Variants in NCKAP5 observed in about 807,000 individuals in gnomAD.
NCKAP5 encodes NCK associated protein 5, also known as nck-associated protein 5.
NCKAP5 carries 92 observed loss-of-function variants against 167.0 expected under a neutral mutation model. The ratio of observed to expected loss-of-function variants is 0.55; its 90% CI spans 0.47 to 0.66. The LOEUF (loss-of-function observed/expected upper bound fraction) is 0.66. NCKAP5 is among the 30% of genes least tolerant of loss of function. The pLI is 0.00. For synonymous variants in NCKAP5, 891 were observed against 877.4 expected (o/e 1.02, Z -0.27); for missense variants, 2,378 against 2,315.0 (o/e 1.03, Z -0.56).
the NCKAP5 span, among the ~76,000 whole-genome samples, chr2:133,587,323 G>A: frequency 6.6e-6 from 1 of 152,098 alleles, no homozygotes. Flanking sequence ...GAAGTGCTCA[G>A]AACAATGCCT....
chr2:133,216,802 C>T (rs1311067967), intron 4 of NCKAP5, among the ~76,000 whole-genome samples: 1 of 151,950 alleles, frequency 6.6e-6, no homozygotes, highest in Non-Finnish European at 1.5e-5. Context: ...GAAGGTAGAT[C>T]TAGAAGAAGG....
intron 6 of NCKAP5, among the ~76,000 whole-genome samples, chr2:133,033,346 C>A (rs1206928541): frequency 6.6e-6 from 1 of 152,172 alleles, no homozygotes; most frequent in African/African-American, 2.4e-5. Flanking sequence ...GATCACAACA[C>A]CGAAGTCCTT....
chr2:133,462,077 A>G (rs1010928348), intron 3 of NCKAP5, among the ~76,000 whole-genome samples: 3 of 152,240 alleles, frequency 2.0e-5, no homozygotes, highest in Admixed American at 2.0e-4. Flanking sequence ...ATTATTTCAC[A>G]TAGGGAATGT....
chr2:132,800,931 G>A (rs1419115906), intron 11 of NCKAP5, among the ~76,000 whole-genome samples: 4 of 152,092 alleles, frequency 2.6e-5, no homozygotes, highest in Admixed American at 6.5e-5. Flanking sequence ...ACGAAACCTC[G>A]GGAACCTTGG....
intron 5 of NCKAP5, among the ~76,000 whole-genome samples, chr2:133,206,919 C>G (rs574202815): frequency 6.6e-6 from 1 of 152,224 alleles, no homozygotes; most frequent in East Asian, 1.9e-4. Context: ...CTGCAGTACG[C>G]TCACACTTAC....
At chr2:132,918,425 GAAATT>G (rs1169315212) in intron 8 of NCKAP5, among the ~76,000 whole-genome samples, 3 of 152,128 alleles carry the variant, frequency 2.0e-5, no homozygotes, top group African/African-American at 7.2e-5. Flanking sequence ...TGCTAGAAAA[GAAATT>G]AAAAGACATA....
At chr2:133,071,476 T>G (rs1455869015) in intron 6 of NCKAP5, among the ~76,000 whole-genome samples, 2 of 151,896 alleles carry the variant, frequency 1.3e-5, no homozygotes, top group Non-Finnish European at 2.9e-5. Context: ...CAAAAAAAAA[T>G]CACAGTGGCC....
chr2:132,976,336 G>A (rs1203494112), intron 7 of NCKAP5, among the ~76,000 whole-genome samples: 9 of 152,028 alleles, frequency 5.9e-5, no homozygotes, highest in Admixed American at 1.3e-4. Flanking sequence ...AGGCCAAGGC[G>A]GGTGGATCAT....
At chr2:132,937,054 T>A (rs1195618441) in intron 8 of NCKAP5, among the ~76,000 whole-genome samples, 1 of 152,180 alleles carries the variant, frequency 6.6e-6, no homozygotes, top group Non-Finnish European at 1.5e-5. Context: ...GAGGGTAACT[T>A]GAGATCAACT....
chr2:132,721,296 A>G (rs890294496), intron 19 of NCKAP5, among the ~76,000 whole-genome samples: 4 of 152,170 alleles, frequency 2.6e-5, no homozygotes, highest in African/African-American at 9.7e-5. Context: ...TGACAGAACA[A>G]GACTCCGTCT....
chr2:133,208,533 C>T (rs559140020), intron 5 of NCKAP5, among the ~76,000 whole-genome samples: 7 of 152,124 alleles, frequency 4.6e-5, no homozygotes, highest in Non-Finnish European at 1.0e-4. Context: ...ACCAAGTTGT[C>T]AAAAACAAGG....
At chr2:132,741,278 C>T (rs978282617) in intron 16 of NCKAP5, among the ~76,000 whole-genome samples, 2 of 151,986 alleles carry the variant, frequency 1.3e-5, no homozygotes, top group Non-Finnish European at 2.9e-5. Flanking sequence ...TTATAATTAT[C>T]GCTATACTCT....
chr2:132,690,785 A>G (rs936801455), intron 19 of NCKAP5, among the ~76,000 whole-genome samples: 5 of 152,034 alleles, frequency 3.3e-5, no homozygotes, highest in African/African-American at 1.2e-4. Flanking sequence ...GGAGGGGGGG[A>G]AACAAGGCAT....
chr2:133,149,298 T>C (rs1240085590), intron 5 of NCKAP5, among the ~76,000 whole-genome samples: 1 of 152,164 alleles, frequency 6.6e-6, no homozygotes, highest in African/African-American at 2.4e-5. Flanking sequence ...ATTTTTACAT[T>C]CTCTTTAAAA....
At chr2:133,323,061 C>T (rs977230814) in intron 3 of NCKAP5, among the ~76,000 whole-genome samples, 1 of 152,070 alleles carries the variant, frequency 6.6e-6, no homozygotes, top group African/African-American at 2.4e-5. Context: ...GTAAGAGTTC[C>T]CTCATTTATC....
chr2:133,160,118 C>G (rs190538975), intron 5 of NCKAP5, among the ~76,000 whole-genome samples: 201 of 152,302 alleles, frequency 1.3e-3, no homozygotes, highest in African/African-American at 4.7e-3. Context: ...AACTGGGTGA[C>G]ATAGAACAAT....
chr2:132,946,752 G>A (rs373455662), intron 8 of NCKAP5, among the ~76,000 whole-genome samples: 2 of 152,184 alleles, frequency 1.3e-5, no homozygotes, highest in South Asian at 2.1e-4. Flanking sequence ...ACAACAATTC[G>A]CTAGGTGTGG....
chr2:133,200,381 T>C (rs2085636359), intron 5 of NCKAP5, among the ~76,000 whole-genome samples: 1 of 152,064 alleles, frequency 6.6e-6, no homozygotes, highest in Non-Finnish European at 1.5e-5. Flanking sequence ...GACAAAAATA[T>C]TCTTTTCAAC....
At chr2:133,654,923 G>A in the NCKAP5 span, among the ~76,000 whole-genome samples, 6 of 152,294 alleles carry the variant, frequency 3.9e-5, no homozygotes, top group East Asian at 1.2e-3. Flanking sequence ...AGCAGAAGCT[G>A]GAGGCTTGGC....
Sources: allele counts gnomAD v4.1 joint callset (sites outside exome capture counted in the v4.1 genomes callset), GRCh38; gene constraint gnomAD v4.1.1; transcripts MANE v1.5; gene names NCBI Gene and HGNC (gene_info 2026-07-23, HGNC 2026-07-21).